The following SMARCAD1 variants were observed in gnomAD, a reference collection of about 807,000 sequenced individuals.
SMARCAD1 encodes SNF2 related chromatin remodeling ATPase with DExD box 1.
Under a neutral mutation model 127.1 loss-of-function variants are expected in SMARCAD1, and 25 were observed. That is an observed-to-expected ratio of 0.20 (90% CI 0.14 to 0.27). The LOEUF (loss-of-function observed/expected upper bound fraction) is 0.27, where lower values mean the gene tolerates loss of function less well. Ranked by LOEUF, SMARCAD1 falls within the 10% of genes least tolerant of loss-of-function variation. The pLI, the probability that SMARCAD1 is intolerant of heterozygous loss-of-function variation, is 1.00. For synonymous variants in SMARCAD1, 400 were observed against 396.9 expected, an observed-to-expected ratio of 1.01 and a Z score of -0.09; for missense variants, 807 against 1,206.0, an observed-to-expected ratio of 0.67 and a Z score of 4.90.
intron 5 of SMARCAD1, 97 bp from the exon 6 acceptor site, chr4:94,240,809 T>C (rs1416254582): frequency 1.2e-6 from 1 of 804,796 alleles, no homozygotes; most frequent in Non-Finnish European, 2.1e-6. Context: ...GAGAACTGTC[T>C]AGTATTCATT....
chr4:94,288,503 A>G (rs1246944514), intron 23 of SMARCAD1, among the ~76,000 whole-genome samples: 2 of 152,192 alleles, frequency 1.3e-5, no homozygotes, highest in Non-Finnish European at 2.9e-5. Flanking sequence ...CAAGGATGTC[A>G]GTGAACTGAC....
At chr4:94,282,026 C>T (rs1161256355) in intron 21 of SMARCAD1, among the ~76,000 whole-genome samples, 2 of 150,196 alleles carry the variant, frequency 1.3e-5, no homozygotes, top group African/African-American at 4.9e-5. Context: ...GGTGACAGAG[C>T]GGGACCCTAT....
In SMARCAD1 at chr4:94,278,647, G is replaced by A. The variant is rs761708730; in HGVS notation, c.2210G>A (p.Arg737Gln). The A allele has an allele frequency of 5.6e-6, 9 of 1,613,902 alleles. No individual in the cohort carries two copies. Among genetic ancestry groups the A allele is most frequent in the South Asian group, 1.1e-5 (1 of 91,064 alleles). Residue 737 changes from arginine to glutamine, a missense_variant, in exon 18 of 24, where the codon CGA becomes CAA. Arg to Gln is a conservative substitution (Grantham distance 43). Around this residue, in one of 8 missense-constraint regions of SMARCAD1, gnomAD observed 148 missense variants for 313.2 expected, o/e 0.47. Transcript: ENST00000354268. ...VLKQLPPKKD[R>Q]IELCAMSEKQ... ...AAGCAGTTACCCCCCAAGAAAGATC[G>A]AATTGAGTTGTGTGCAATGTCGGAG... is the stretch of plus-strand genomic sequence containing the variant.
chr4:94,240,774 C>T, intron 5 of SMARCAD1, 132 bp from the exon 6 acceptor site: 4 of 697,046 alleles, frequency 5.7e-6, no homozygotes, highest in South Asian at 3.2e-5. Context: ...ATATGTAGAA[C>T]AACAAACACT....
At chr4:94,259,243 G>A (rs1431097153) in intron 9 of SMARCAD1, among the ~76,000 whole-genome samples, 3 of 152,154 alleles carry the variant, frequency 2.0e-5, no homozygotes, top group African/African-American at 7.2e-5. Flanking sequence ...CTTAATTTTG[G>A]AAGCAACATA....
intron 5 of SMARCAD1, among the ~76,000 whole-genome samples, chr4:94,239,577 T>A (rs1246964707): frequency 1.1e-4 from 17 of 150,958 alleles, no homozygotes; most frequent in Non-Finnish European, 1.8e-4. Context: ...TTTTTTTTTT[T>A]AATTTTTTAT....
chr4:94,227,222 C>T (rs1031388550), intron 3 of SMARCAD1, among the ~76,000 whole-genome samples: 5 of 151,824 alleles, frequency 3.3e-5, no homozygotes, highest in Non-Finnish European at 5.9e-5. Context: ...GGACATGATG[C>T]GGAGTGAAGG....
At chr4:94,228,134 A>G (rs891955832) in intron 3 of SMARCAD1, among the ~76,000 whole-genome samples, 1 of 152,218 alleles carries the variant, frequency 6.6e-6, no homozygotes, top group Non-Finnish European at 1.5e-5. Context: ...AACTTTTCAC[A>G]TGAAGCTGTG....
intron 3 of SMARCAD1, among the ~76,000 whole-genome samples, chr4:94,232,640 T>G (rs1746017914): frequency 6.6e-6 from 1 of 152,174 alleles, no homozygotes; most frequent in African/African-American, 2.4e-5. Context: ...TCTCAGGAAG[T>G]CAACCTAGAA....
At chr4:94,269,575 G>A (rs1209249918) in intron 10 of SMARCAD1, among the ~76,000 whole-genome samples, 2 of 151,186 alleles carry the variant, frequency 1.3e-5, no homozygotes, top group Admixed American at 6.6e-5. Context: ...GGTGATGTTT[G>A]AAAAATGATA....
rs973500038 is a variant in SMARCAD1, at chr4:94,290,939, A to G, written c.*1405A>G. ...AAACTCTTACAGTGATTATTTAGAT[A>G]TTAAAGACTGAGAACTCACGGCTTA... is the stretch of plus-strand genomic sequence containing the variant. On this transcript the variant is annotated 3_prime_UTR_variant, in exon 24 of 24. Coordinates refer to ENST00000354268, the MANE Select transcript of SMARCAD1 (RefSeq NM_020159.5). The G allele has an allele frequency of 1.6e-4, 72 of 453,588 alleles. No homozygotes were observed. The highest frequency in any genetic ancestry group is 1.4e-3 in the Middle Eastern group (2 of 1,462). The allele number at this position is 453,588 out of a possible 1,614,324, so 28.1% of individuals were successfully genotyped here.
At chr4:94,275,796 C>CTTTTTTTTTTTTTTT (rs535710589) in intron 14 of SMARCAD1, among the ~76,000 whole-genome samples, 8 of 85,412 alleles carry the variant, frequency 9.4e-5, no homozygotes, top group African/African-American at 3.0e-4. Context: ...TTAACATTTT[C>CTTTTTTTTTTTTTTT]TTTTTTTTTT....
intron 9 of SMARCAD1, among the ~76,000 whole-genome samples, chr4:94,259,471 A>G (rs2125935435): frequency 6.6e-6 from 1 of 152,272 alleles, no homozygotes; most frequent in African/African-American, 2.4e-5. Context: ...AGCAGCAGTC[A>G]TTTTGATCAT....
rs959376864 is a variant in SMARCAD1 at position 94,270,922 on chromosome 4, A to G, written c.1572+104A>G. The G allele has an allele frequency of 7.6e-6, 7 of 916,242 alleles. No individual in the cohort carries two copies. The African/African-American group carries it at 8.2e-5, about 11-fold the overall frequency. 56.8% of individuals were successfully genotyped at this position (916,242 alleles called of 1,614,324 possible). A position where few individuals can be genotyped will look rare whatever the true frequency, so the allele number is the denominator to read the frequency against. The stretch of plus-strand genomic sequence containing the variant: ...CTTTTTTTTGCTACTGTAGTTAACT[A>G]CTGCCACCTCAGTACCTTATATTTT... On this transcript the variant is annotated intron_variant, in intron 11 of 23. Coordinates refer to ENST00000354268, the MANE Select transcript of SMARCAD1 (RefSeq NM_020159.5).
At position 94,277,125 on chromosome 4, in the gene SMARCAD1, C is replaced by T; in HGVS notation, c.2048C>T (p.Thr683Ile). Residue 683 changes from threonine (T) to isoleucine (I), a missense_variant, in exon 16 of 24, where the codon ACC becomes ATC. Physicochemically the swap from Thr to Ile is moderately conservative, Grantham distance 89. Transcript: ENST00000354268. The part of the protein sequence containing the change: ...FVMPHMFSSS[T>I]SEIRRMFSSK... ...ATGCCACACATGTTTAGTAGTAGCA[C>T]CAGTGAAATACGAAGAATGTTTTCC... is the stretch of plus-strand genomic sequence containing the variant. The T allele has an allele frequency of 6.2e-7, 1 of 1,613,992 alleles. No individual in the cohort carries two copies. The highest frequency in any genetic ancestry group is 1.7e-5 in the Admixed American group (1 of 60,022).
chr4:94,263,601 T>C (rs1751330343), intron 9 of SMARCAD1, among the ~76,000 whole-genome samples: 1 of 152,054 alleles, frequency 6.6e-6, no homozygotes, highest in Admixed American at 6.5e-5. Flanking sequence ...TATTTAGTTA[T>C]CTTAGTATAT....
At chr4:94,262,837 G>GAC (rs1489428956) in intron 9 of SMARCAD1, among the ~76,000 whole-genome samples, 9 of 147,726 alleles carry the variant, frequency 6.1e-5, no homozygotes, top group African/African-American at 2.3e-4. Flanking sequence ...AGACCACAAG[G>GAC]ACAGGGCTGT....
At chr4:94,242,158 G>A (rs142951122) in intron 6 of SMARCAD1, among the ~76,000 whole-genome samples, 41 of 151,646 alleles carry the variant, frequency 2.7e-4, no homozygotes, top group Non-Finnish European at 4.9e-4. Context: ...CTCAGCCTCC[G>A]GAGTATCTGG....
At chr4:94,250,236 C>T (rs929119931) in intron 7 of SMARCAD1, among the ~76,000 whole-genome samples, 2 of 151,338 alleles carry the variant, frequency 1.3e-5, no homozygotes, top group African/African-American at 4.9e-5. Flanking sequence ...GCTAAAAGGC[C>T]CTCTGTTTAA....
Sources: allele counts gnomAD v4.1 joint callset (sites outside exome capture counted in the v4.1 genomes callset), GRCh38; gene constraint gnomAD v4.1.1; regional missense constraint gnomAD v4.1.1; transcripts MANE v1.5; gene names NCBI Gene and HGNC (gene_info 2026-07-23, HGNC 2026-07-21).